The following TRAPPC9 variants were observed in gnomAD, a reference collection of about 807,000 sequenced individuals.
TRAPPC9 encodes the protein trafficking protein particle complex subunit 9.
In TRAPPC9, 83 loss-of-function variants were observed where a neutral mutation model predicts 124.0. The observed-to-expected ratio is 0.67, with a 90% confidence interval of 0.56 to 0.80. The LOEUF is 0.80. TRAPPC9 is among the 30% of genes least tolerant of loss of function. TRAPPC9 has a pLI of 0.00. For synonymous variants in TRAPPC9, 638 were observed against 617.5 expected (o/e 1.03, Z -0.49); for missense variants, 1,302 against 1,508.3 (o/e 0.86, Z 2.27).
chr8:140,176,625 C>T (rs560195717), intron 17 of TRAPPC9, among the ~76,000 whole-genome samples: 2 of 152,288 alleles, frequency 1.3e-5, no homozygotes, highest in East Asian at 1.9e-4. Flanking sequence ...CTATGGGCAT[C>T]GGTCATGTCT....
intron 19 of TRAPPC9, among the ~76,000 whole-genome samples, chr8:139,944,842 G>A (rs538385512): frequency 5.8e-4 from 89 of 152,234 alleles, no homozygotes; most frequent in African/African-American, 2.0e-3. Flanking sequence ...AAAAAAGCAC[G>A]CCAGCCATGG....
intron 17 of TRAPPC9, among the ~76,000 whole-genome samples, chr8:140,092,916 T>C (rs1172612699): frequency 6.6e-6 from 1 of 152,240 alleles, no homozygotes; most frequent in African/African-American, 2.4e-5. Context: ...CTAGGCTTTA[T>C]TTTCCTAATT....
intron 16 of TRAPPC9, among the ~76,000 whole-genome samples, chr8:140,229,682 C>A (rs563537885): frequency 7.2e-5 from 11 of 152,206 alleles, no homozygotes; most frequent in African/African-American, 2.4e-4. Context: ...CTTGGCCTCC[C>A]AAGTGGCTGC....
intron 19 of TRAPPC9, chr8:139,932,119 G>C: frequency 2.8e-6 from 1 of 358,314 alleles, no homozygotes; most frequent in South Asian, 2.1e-5. Context: ...TGCGGCTGAG[G>C]GCGGGGTGCT....
intron 17 of TRAPPC9, among the ~76,000 whole-genome samples, chr8:140,153,722 G>C (rs751548051): frequency 6.6e-6 from 1 of 152,154 alleles, no homozygotes; most frequent in Non-Finnish European, 1.5e-5. Flanking sequence ...TTTTTCTAAA[G>C]TGCAAATTTG....
chr8:140,256,760 G>A (rs1044027199), intron 15 of TRAPPC9, among the ~76,000 whole-genome samples: 1 of 152,050 alleles, frequency 6.6e-6, no homozygotes, highest in Non-Finnish European at 1.5e-5. Flanking sequence ...ACTTTTCTGG[G>A]GTCTCAGCTT....
intron 17 of TRAPPC9, among the ~76,000 whole-genome samples, chr8:140,192,973 T>A (rs532110117): frequency 2.6e-5 from 4 of 152,342 alleles, no homozygotes; most frequent in Admixed American, 6.5e-5. Context: ...AGATAGGGTT[T>A]CACCATGTTG....
intron 6 of TRAPPC9, among the ~76,000 whole-genome samples, chr8:140,403,438 A>T (rs1362765784): frequency 6.6e-6 from 1 of 151,854 alleles, no homozygotes; most frequent in South Asian, 2.1e-4. Flanking sequence ...CCATAAAAAA[A>T]AAAAAAGATA....
chr8:139,978,684 C>T (rs768850823), intron 19 of TRAPPC9, among the ~76,000 whole-genome samples: 2 of 152,174 alleles, frequency 1.3e-5, no homozygotes, highest in East Asian at 1.9e-4. Flanking sequence ...AAAGCTGTGA[C>T]GTGAAAGACC....
chr8:139,905,823 G>A (rs989904464), intron 20 of TRAPPC9, among the ~76,000 whole-genome samples: 15 of 151,970 alleles, frequency 9.9e-5, no homozygotes, highest in East Asian at 1.9e-4. Context: ...AGCTGGGCGC[G>A]GTGGCTCATG....
At chr8:139,764,045 T>C (rs1186355738) in intron 21 of TRAPPC9, among the ~76,000 whole-genome samples, 1 of 152,050 alleles carries the variant, frequency 6.6e-6, no homozygotes, top group African/African-American at 2.4e-5. Context: ...GGGAGAACGG[T>C]GTCTCAGAAG....
At chr8:140,140,572 T>C (rs1236003176) in intron 17 of TRAPPC9, among the ~76,000 whole-genome samples, 1 of 152,178 alleles carries the variant, frequency 6.6e-6, no homozygotes, top group Non-Finnish European at 1.5e-5. Context: ...CATCCTCCCA[T>C]ACAGTGATTT....
chr8:139,877,699 C>T (rs768263503), intron 21 of TRAPPC9, among the ~76,000 whole-genome samples: 3 of 152,194 alleles, frequency 2.0e-5, no homozygotes, highest in African/African-American at 7.2e-5. Context: ...AGATCACACC[C>T]GCCTCTGTGA....
At chr8:139,905,741 T>A (rs563891634) in intron 20 of TRAPPC9, among the ~76,000 whole-genome samples, 1 of 152,218 alleles carries the variant, frequency 6.6e-6, no homozygotes, top group Admixed American at 6.5e-5. Context: ...AAGAAGTGGT[T>A]TTCATAGTCA....
chr8:140,006,625 C>T (rs1838770046), intron 18 of TRAPPC9, among the ~76,000 whole-genome samples: 1 of 152,108 alleles, frequency 6.6e-6, no homozygotes, highest in Non-Finnish European at 1.5e-5. Flanking sequence ...AATGAATGAA[C>T]AAAATTATAT....
intron 15 of TRAPPC9, among the ~76,000 whole-genome samples, chr8:140,267,237 AG>A (rs2064702773): frequency 6.6e-6 from 1 of 152,168 alleles, no homozygotes; most frequent in Non-Finnish European, 1.5e-5. Flanking sequence ...TGGAAGGAAA[AG>A]GAAAAGGGGA....
chr8:139,804,872 T>C (rs539788564), intron 21 of TRAPPC9, among the ~76,000 whole-genome samples: 12 of 152,232 alleles, frequency 7.9e-5, no homozygotes, highest in South Asian at 6.2e-4. Context: ...CTGAATCCCA[T>C]GAGGACCCCT....
Position 140,097,859 on chromosome 8 carries a change from C to T in TRAPPC9, c.2557-73780G>A, listed in dbSNP as rs745356716. 1.3e-5 allele frequency: 2 copies of T among 152,188 alleles called. No individual in the cohort carries two copies. Among genetic ancestry groups the T allele is most frequent in the Non-Finnish European group, 2.9e-5 (2 of 68,064 alleles). 9.4% of individuals were successfully genotyped at this position (152,188 alleles called of 1,614,324 possible). On this transcript the variant is annotated intron_variant, in intron 17 of 22. Coordinates refer to ENST00000438773, the MANE Select transcript of TRAPPC9 (RefSeq NM_001160372.4). The surrounding 1 kb of genome is among the most constrained non-coding windows in gnomAD (Gnocchi z 4.2). Reference sequence around the variant, plus strand: ...CCTTAGTGCGTGGCTACAGACGTGCCGCAGTCCTACCGGGAAAGATGCCAG... The same window carrying T: ...CCTTAGTGCGTGGCTACAGACGTGCTGCAGTCCTACCGGGAAAGATGCCAG...
intron 21 of TRAPPC9, among the ~76,000 whole-genome samples, chr8:139,774,062 CTG>C: frequency 6.6e-6 from 1 of 152,318 alleles, no homozygotes; most frequent in Admixed American, 6.5e-5. Flanking sequence ...CTGCAGGCTG[CTG>C]AGAGCGCAGT....
Sources: allele counts gnomAD v4.1 joint callset (sites outside exome capture counted in the v4.1 genomes callset), GRCh38; gene constraint gnomAD v4.1.1; non-coding constraint Gnocchi (gnomAD v3.1); transcripts MANE v1.5; gene names NCBI Gene and HGNC (gene_info 2026-07-23, HGNC 2026-07-21).